The following PHF20 variants were observed in gnomAD, a reference collection of about 807,000 sequenced individuals.
PHF20 encodes the protein glioma-expressed antigen 2.
A neutral mutation model predicts 113.5 loss-of-function variants in PHF20; 23 were observed. The ratio of observed to expected loss-of-function variants is 0.20; its 90% confidence interval spans 0.15 to 0.29. The LOEUF is 0.29. Ranked by LOEUF, PHF20 falls within the 10% of genes least tolerant of loss-of-function variation. The pLI, the probability that PHF20 is intolerant of heterozygous loss-of-function variation, is 1.00. For synonymous variants in PHF20, 434 were observed against 457.3 expected, an observed-to-expected ratio of 0.95 and a Z score of 0.65; for missense variants, 943 against 1,219.6, an observed-to-expected ratio of 0.77 and a Z score of 3.38.
At chr20:35,828,378 C>T (rs774435267) in intron 2 of PHF20, among the ~76,000 whole-genome samples, 14 of 152,198 alleles carry the variant, frequency 9.2e-5, no homozygotes, top group Non-Finnish European at 1.3e-4. Flanking sequence ...AGTGGGAATT[C>T]GGAAGGAAAT....
intron 2 of PHF20, among the ~76,000 whole-genome samples, chr20:35,810,961 TTG>T (rs2041966321): frequency 6.6e-6 from 1 of 152,154 alleles, no homozygotes; most frequent in African/African-American, 2.4e-5. Flanking sequence ...ACCATATTTT[TTG>T]TGTGTGTCTG....
chr20:35,946,959 C>T (rs946808087), intron 17 of PHF20, among the ~76,000 whole-genome samples: 4 of 152,090 alleles, frequency 2.6e-5, no homozygotes, highest in Non-Finnish European at 5.9e-5. Flanking sequence ...CTGCCCGCCT[C>T]GACCTCCCAA....
At chr20:35,865,699 A>G (rs553822520) in intron 6 of PHF20, among the ~76,000 whole-genome samples, 1 of 151,942 alleles carries the variant, frequency 6.6e-6, no homozygotes, top group South Asian at 2.1e-4. Context: ...GGGTTTCACT[A>G]TGTTGCCCAG....
chr20:35,874,838 C>G (rs2054488730), intron 9 of PHF20, among the ~76,000 whole-genome samples: 1 of 151,790 alleles, frequency 6.6e-6, no homozygotes, highest in Non-Finnish European at 1.5e-5. Context: ...TGAATCTCAG[C>G]ACTCTGGGAG....
In PHF20 at chr20:35,902,843, GC is replaced by G. The variant is rs1351606624; in HGVS notation, c.1561+3197del. Among the ~76,000 whole-genome samples, 16 of 152,066 alleles carry G rather than the reference GC, an allele frequency of 1.1e-4. No individual in the cohort carries two copies. In the East Asian group the frequency reaches 2.9e-3, roughly 28 times the overall value. Reference sequence around the variant, plus strand: ...GGGGAAATGCTTTGTAAAATGTCTGGCCTATAATAAACTCTGAATACACAGT... The same window carrying G: ...GGGGAAATGCTTTGTAAAATGTCTGGCTATAATAAACTCTGAATACACAGT... On this transcript the variant is annotated intron_variant, in intron 10 of 17. Coordinates refer to ENST00000374012, the MANE Select transcript of PHF20 (RefSeq NM_016436.5).
intron 1 of PHF20, among the ~76,000 whole-genome samples, chr20:35,786,892 C>T (rs1004024748): frequency 5.3e-5 from 8 of 152,026 alleles, no homozygotes; most frequent in Non-Finnish European, 1.0e-4. Flanking sequence ...ATAGTTCCCA[C>T]GTTTACCTGT....
intron 15 of PHF20, among the ~76,000 whole-genome samples, chr20:35,936,478 G>A (rs2055866967): frequency 6.6e-6 from 1 of 152,172 alleles, no homozygotes; most frequent in Non-Finnish European, 1.5e-5. Flanking sequence ...GGTACAGGAA[G>A]GCATCCACAG....
At position 35,928,014 on chromosome 20, in the gene PHF20, C is replaced by T. The variant is rs149066279; in HGVS notation, c.2104+135C>T. 9.3e-4 allele frequency: 638 copies of T among 686,382 alleles called. 2 individuals are homozygous for T. In the African/African-American group the frequency reaches 9.7e-3, roughly 10 times the overall value. 42.5% of individuals were successfully genotyped at this position (686,382 alleles called of 1,614,324 possible). ...CGGCTAGACTCCAGCTCCTCCTCGC[C>T]TCTGTTGCTATCCTGCCTTGTGGCC... On this transcript the variant is annotated intron_variant, in intron 14 of 17. Transcript: ENST00000374012.
intron 4 of PHF20, among the ~76,000 whole-genome samples, chr20:35,854,647 G>T (rs913736253): frequency 1.7e-4 from 26 of 152,262 alleles, no homozygotes; most frequent in African/African-American, 6.3e-4. Flanking sequence ...AAGTTAAAAG[G>T]ATCAAAGACC....
chr20:35,880,128 A>C (rs2147010413), intron 9 of PHF20, among the ~76,000 whole-genome samples: 1 of 152,300 alleles, frequency 6.6e-6, no homozygotes, highest in East Asian at 1.9e-4. Context: ...TCTTGGACTT[A>C]GTGTTCATTA....
At chr20:35,859,455 C>T (rs1434186342) in intron 5 of PHF20, among the ~76,000 whole-genome samples, 1 of 151,942 alleles carries the variant, frequency 6.6e-6, no homozygotes, top group Non-Finnish European at 1.5e-5. Context: ...GATTTTATCA[C>T]TGAGGCATCA....
At chr20:35,929,822 G>T (rs1280276894) in intron 14 of PHF20, among the ~76,000 whole-genome samples, 2 of 152,234 alleles carry the variant, frequency 1.3e-5, no homozygotes, top group Non-Finnish European at 2.9e-5. Flanking sequence ...TCTGCAGAGG[G>T]CTGGACCAAA....
intron 15 of PHF20, among the ~76,000 whole-genome samples, chr20:35,934,963 G>C (rs938726788): frequency 6.6e-6 from 1 of 152,138 alleles, no homozygotes; most frequent in African/African-American, 2.4e-5. Context: ...GGTGGTCCAC[G>C]TGAGTGCCTG....
At chr20:35,868,808 C>T (rs758596945) in intron 6 of PHF20, among the ~76,000 whole-genome samples, 2 of 152,014 alleles carry the variant, frequency 1.3e-5, no homozygotes, top group Non-Finnish European at 2.9e-5. Flanking sequence ...TACAAATTCT[C>T]GGCTGGGTCT....
intron 15 of PHF20, among the ~76,000 whole-genome samples, chr20:35,933,429 C>T (rs1341654273): frequency 2.0e-5 from 3 of 151,534 alleles, no homozygotes; most frequent in Admixed American, 6.6e-5. Flanking sequence ...CCGAGTCTCG[C>T]TCTGTCACCC....
chr20:35,879,356 T>G (rs935354674), intron 9 of PHF20, among the ~76,000 whole-genome samples: 4 of 152,220 alleles, frequency 2.6e-5, no homozygotes, highest in African/African-American at 7.2e-5. Context: ...TCTAGTTTAG[T>G]TCTTTAGTAA....
intron 4 of PHF20, among the ~76,000 whole-genome samples, chr20:35,851,830 G>T (rs535920127): frequency 2.0e-5 from 3 of 151,788 alleles, no homozygotes; most frequent in Non-Finnish European, 2.9e-5. Flanking sequence ...CAGAAGAATC[G>T]CTTGAACTCA....
intron 1 of PHF20, among the ~76,000 whole-genome samples, chr20:35,780,245 G>A (rs6121045): frequency 0.87 from 117,025 of 134,158 alleles, 51,017 homozygotes; most frequent in East Asian, 0.91. Flanking sequence ...TTTTTTTTTG[G>A]GACGGAGTCT....
intron 2 of PHF20, among the ~76,000 whole-genome samples, chr20:35,841,348 A>G (rs1311158898): frequency 6.6e-6 from 1 of 152,044 alleles, no homozygotes; most frequent in Non-Finnish European, 1.5e-5. Context: ...GTCTCAATCA[A>G]TCAATCAATC....
Sources: gnomAD v4.1 joint callset for allele counts (sites outside exome capture counted in the v4.1 genomes callset) on GRCh38, gnomAD v4.1.1 for gene constraint, MANE v1.5 for transcripts, NCBI Gene and HGNC (gene_info 2026-07-23, HGNC 2026-07-21) for gene names.